Variants in FNBP1L observed in about 807,000 individuals in gnomAD.
FNBP1L encodes the protein formin-binding protein 1-like.
A neutral mutation model predicts 91.2 loss-of-function variants in FNBP1L; 36 were observed. The ratio of observed to expected loss-of-function variants is 0.39; its 90% CI spans 0.30 to 0.52. The LOEUF is 0.52. Ranked by LOEUF, FNBP1L falls within the 20% of genes least tolerant of loss-of-function variation. The pLI, the probability that FNBP1L is intolerant of heterozygous loss-of-function variation, is 0.66. For missense variants in FNBP1L, 571 were observed against 732.1 expected, an observed-to-expected ratio of 0.78 and a Z score of 2.54; for synonymous variants, 242 against 237.0, an observed-to-expected ratio of 1.02 and a Z score of -0.19.
chr1:93,546,897 C>T lies in FNBP1L; in HGVS notation c.1330C>T (p.Pro444Ser). 6.2e-7 allele frequency: 1 copy of T among 1,612,862 alleles called. No individual in the cohort carries two copies. The highest frequency in any genetic ancestry group is 8.5e-7 in the Non-Finnish European group (1 of 1,179,366). The change falls in exon 13 of 17, where the codon CCA becomes TCA. Residue 444 changes from proline to serine, a missense_variant. Pro to Ser is a moderately conservative substitution (Grantham distance 74). Around this residue, in one of 5 missense-constraint regions of FNBP1L, gnomAD observed 189 missense variants for 219.7 expected, o/e 0.86. Transcript: ENST00000271234. The part of the protein sequence containing the change: ...VYEKNPQMGD[P>S]GSLQPKLAET... ...TGAGAAGAATCCACAAATGGGGGAT[C>T]CAGGGAGTTTGCAGCCTAAATTAGC...
intron 14 of FNBP1L, among the ~76,000 whole-genome samples, chr1:93,548,383 C>T (rs1672307069): frequency 6.6e-6 from 1 of 152,030 alleles, no homozygotes; most frequent in African/African-American, 2.4e-5. Context: ...TAACATTTTT[C>T]TCTGATTTAA....
At chr1:93,526,574 G>GC (rs1429476928) in intron 5 of FNBP1L, among the ~76,000 whole-genome samples, 1 of 152,140 alleles carries the variant, frequency 6.6e-6, no homozygotes, top group Non-Finnish European at 1.5e-5. Flanking sequence ...ACTTACCTCT[G>GC]CCCTGGCTGT....
chr1:93,545,385 A>G (rs1472015841), intron 12 of FNBP1L, among the ~76,000 whole-genome samples: 7 of 152,168 alleles, frequency 4.6e-5, no homozygotes, highest in East Asian at 1.9e-4. Flanking sequence ...TGGTGACTCA[A>G]ATTTTCCCAG....
At chr1:93,516,660 G>T (rs1294346620) in intron 2 of FNBP1L, among the ~76,000 whole-genome samples, 1 of 151,960 alleles carries the variant, frequency 6.6e-6, no homozygotes, top group African/African-American at 2.4e-5. Context: ...AAAAAAATTA[G>T]CTGGGCGTGG....
At chr1:93,500,799 G>A (rs1670419118) in intron 2 of FNBP1L, among the ~76,000 whole-genome samples, 1 of 152,080 alleles carries the variant, frequency 6.6e-6, no homozygotes, top group Admixed American at 6.5e-5. Context: ...TAAAAAGCTT[G>A]CTTATAATAT....
chr1:93,537,785 A>G (rs747740443), intron 10 of FNBP1L, among the ~76,000 whole-genome samples: 6 of 152,178 alleles, frequency 3.9e-5, no homozygotes, highest in Admixed American at 6.6e-5. Flanking sequence ...TGGGATTTCT[A>G]TTGCCTGAGT....
intron 2 of FNBP1L, among the ~76,000 whole-genome samples, chr1:93,507,160 G>A (rs1210634170): frequency 9.0e-5 from 4 of 44,548 alleles, no homozygotes; most frequent in South Asian, 7.3e-4. Flanking sequence ...CTTTCTCTCC[G>A]TCCCTCCCTC....
chr1:93,537,582 C>G (rs1671889667), intron 10 of FNBP1L, among the ~76,000 whole-genome samples: 1 of 152,084 alleles, frequency 6.6e-6, no homozygotes, highest in African/African-American at 2.4e-5. Flanking sequence ...ATGTCATTTT[C>G]TGGACTTCTT....
chr1:93,543,994 C>A, intron 11 of FNBP1L, 113 bp from the exon 12 acceptor site: 7 of 679,884 alleles, frequency 1.0e-5, no homozygotes, highest in Admixed American at 3.8e-5. Flanking sequence ...TTGCTTGAGG[C>A]AAATTTGAAA....
rs1447449425 is a variant in FNBP1L, at chr1:93,553,458, T to G, written c.*1042T>G. On this transcript the variant is annotated 3_prime_UTR_variant, in exon 17 of 17. Coordinates refer to ENST00000271234, the MANE Select transcript of FNBP1L (RefSeq NM_001164473.3). ...ATTAGAGCTCTACCATATACAGTGG[T>G]GCATCTTCAAATTTATGCATCAAAC... The G allele has an allele frequency of 6.6e-6, 1 of 152,630 alleles. No individual in the cohort carries two copies. Among genetic ancestry groups the G allele is most frequent in the South Asian group, 2.1e-4 (1 of 4,832 alleles). The allele number at this position is 152,630 out of a possible 1,614,324, so 9.5% of individuals were successfully genotyped here.
intron 2 of FNBP1L, among the ~76,000 whole-genome samples, chr1:93,521,146 GTC>G (rs1409155578): frequency 1.3e-5 from 2 of 152,262 alleles, no homozygotes; most frequent in East Asian, 3.9e-4. Context: ...CCATATGCTA[GTC>G]TCTTTCTGAT....
intron 2 of FNBP1L, among the ~76,000 whole-genome samples, chr1:93,512,189 T>C (rs933906760): frequency 6.6e-6 from 1 of 152,066 alleles, no homozygotes; most frequent in African/African-American, 2.4e-5. Context: ...CATTACATAA[T>C]GGTAATGGGA....
At chr1:93,517,074 C>G (rs1460106927) in intron 2 of FNBP1L, among the ~76,000 whole-genome samples, 1 of 146,354 alleles carries the variant, frequency 6.8e-6, no homozygotes. Flanking sequence ...GAGCCTTGCT[C>G]TGTCGCCCAG....
At chr1:93,455,242 G>T (rs1668621736) in intron 1 of FNBP1L, among the ~76,000 whole-genome samples, 1 of 152,156 alleles carries the variant, frequency 6.6e-6, no homozygotes, top group Admixed American at 6.5e-5. Context: ...TATTTTGCTG[G>T]AGTGCAGTGG....
chr1:93,478,414 T>C (rs1669571591), intron 1 of FNBP1L, among the ~76,000 whole-genome samples: 1 of 151,720 alleles, frequency 6.6e-6, no homozygotes, highest in East Asian at 1.9e-4. Flanking sequence ...GTAGAAAGAG[T>C]GGCAGCTATA....
chr1:93,499,834 A>C (rs547981406), intron 2 of FNBP1L, among the ~76,000 whole-genome samples: 1 of 152,192 alleles, frequency 6.6e-6, no homozygotes, highest in Non-Finnish European at 1.5e-5. Context: ...CTGGGGAGCA[A>C]AATGCCGGGA....
At chr1:93,511,282 G>T (rs1350536258) in intron 2 of FNBP1L, among the ~76,000 whole-genome samples, 4 of 152,212 alleles carry the variant, frequency 2.6e-5, no homozygotes, top group Non-Finnish European at 4.4e-5. Context: ...CAAGCCAGAA[G>T]AGAGTGGGGG....
intron 3 of FNBP1L, 132 bp from the exon 4 acceptor site, chr1:93,523,212 A>T (rs1570842911): frequency 6.1e-6 from 5 of 814,250 alleles, no homozygotes; most frequent in African/African-American, 5.3e-5. Context: ...ATATGAAGTT[A>T]ATTTAGAACT....
In FNBP1L at chr1:93,552,436, G is replaced by A. The variant is rs1570883197; in HGVS notation, c.*20G>A. The A allele has an allele frequency of 6.2e-7, 1 of 1,612,590 alleles. No homozygotes were observed. The highest frequency in any genetic ancestry group is 8.5e-7 in the Non-Finnish European group (1 of 1,179,230). ...TCCTGAAGAGGGTTTCTGAGGAAAT[G>A]GGCAAGATGTTGAAGGAGGTTACAT... On this transcript the variant is annotated 3_prime_UTR_variant, in exon 17 of 17. Coordinates refer to ENST00000271234, the MANE Select transcript of FNBP1L (RefSeq NM_001164473.3).
Sources: gnomAD v4.1 joint callset for allele counts (sites outside exome capture counted in the v4.1 genomes callset) on GRCh38, gnomAD v4.1.1 for gene constraint, gnomAD v4.1.1 regional missense constraint, MANE v1.5 for transcripts, NCBI Gene and HGNC (gene_info 2026-07-23, HGNC 2026-07-21) for gene names.